TSKS: variants seen among roughly 807,000 people sequenced by gnomAD.
The protein encoded by TSKS is testis specific serine kinase substrate.
Under a neutral mutation model 68.0 loss-of-function variants are expected in TSKS, and 27 were observed. That is an observed-to-expected ratio of 0.40 (90% confidence interval 0.29 to 0.55). TSKS has a LOEUF of 0.55. Among genes scored for constraint, TSKS ranks in the 20% least tolerant of loss-of-function variants. TSKS has a pLI of 0.53. For missense variants in TSKS, 806 were observed against 776.0 expected, an observed-to-expected ratio of 1.04 and a Z score of -0.46; for synonymous variants, 331 against 340.4, an observed-to-expected ratio of 0.97 and a Z score of 0.30.
chr19:49,747,366 T>G, intron 5 of TSKS, 23 bp downstream of exon 5: 2 of 1,614,108 alleles, frequency 1.2e-6, no homozygotes, highest in South Asian at 2.2e-5. Flanking sequence ...CCACAAATCC[T>G]GGGACTGCCC....
At chr19:49,748,191 G>C in intron 3 of TSKS, 23 bp from the exon 4 acceptor site, 1 of 1,613,284 alleles carries the variant, frequency 6.2e-7, no homozygotes, top group Non-Finnish European at 8.5e-7. Flanking sequence ...AGGAGGAGAG[G>C]TTAGCCAAGG....
chr19:49,756,564 TA>T (rs200912143), intron 2 of TSKS, among the ~76,000 whole-genome samples: 3,358 of 138,396 alleles, frequency 0.024, 105 homozygotes, highest in African/African-American at 0.076. Context: ...CACTCATGAT[TA>T]AAAAAAAAAA....
At chr19:49,741,080 A>G (rs1323640079) in intron 9 of TSKS, among the ~76,000 whole-genome samples, 1 of 152,072 alleles carries the variant, frequency 6.6e-6, no homozygotes, top group Non-Finnish European at 1.5e-5. Flanking sequence ...TGGGAGGCTG[A>G]GGCAGGAGAA....
intron 2 of TSKS, among the ~76,000 whole-genome samples, chr19:49,761,079 C>CGAAAA (rs2084436697): frequency 6.7e-6 from 1 of 149,328 alleles, no homozygotes; most frequent in South Asian, 2.1e-4. Context: ...GCAACAAGAG[C>CGAAAA]GAAACTCTGT....
chr19:49,761,696 G>GA lies in TSKS; in HGVS notation c.399+307_399+308insT, dbSNP rs200945544. ...AAGACCACCCAGGCCAGGCACGGGG[G>GA]CTCTCGCCTGTAATCCCAGCACTGT... On this transcript the variant is annotated intron_variant, in intron 2 of 10. Coordinates refer to ENST00000246801, the MANE Select transcript of TSKS (RefSeq NM_021733.2). 5.6e-3 allele frequency among the ~76,000 whole-genome samples: 856 copies of GA among 152,184 alleles called. 5 individuals carry two copies. Among genetic ancestry groups the GA allele is most frequent in the African/African-American group, 0.019 (798 of 41,514 alleles).
intron 7 of TSKS, 50 bp from the exon 8 acceptor site, chr19:49,744,454 C>A (rs763768407): frequency 1.3e-6 from 2 of 1,574,430 alleles, no homozygotes; most frequent in African/African-American, 1.3e-5. Flanking sequence ...AGCGGTATAA[C>A]CCTGGCAAGA....
chr19:49,743,927 G>A (rs1428848958), intron 8 of TSKS, among the ~76,000 whole-genome samples: 1 of 150,950 alleles, frequency 6.6e-6, no homozygotes, highest in Non-Finnish European at 1.5e-5. Flanking sequence ...GGCTAGTCTC[G>A]AACTCCTGAC....
Position 49,739,942 on chromosome 19 carries a change from GGCA to G in TSKS, c.1623-13_1623-11del. 6.2e-7 allele frequency: 1 copy of G among 1,609,378 alleles called. No individual in the cohort carries two copies. The highest frequency in any genetic ancestry group is 8.5e-7 in the Non-Finnish European group (1 of 1,176,284). ...AGTGGCCATCTTCTCCCTGTCATGA[GGCA>G]GCGGGGAGTTGATGGCGGCATGGCT... On this transcript the variant is annotated splice_polypyrimidine_tract_variant and intron_variant, in intron 10 of 10. Transcript: ENST00000246801.
At chr19:49,757,072 G>T (rs2123626422) in intron 2 of TSKS, among the ~76,000 whole-genome samples, 1 of 152,222 alleles carries the variant, frequency 6.6e-6, no homozygotes, top group East Asian at 1.9e-4. Context: ...TAAAAAAATA[G>T]AATAAAGTAG....
At chr19:49,740,009 C>G in intron 10 of TSKS, 50 bp downstream of exon 10, 2 of 1,612,506 alleles carry the variant, frequency 1.2e-6, no homozygotes, top group Non-Finnish European at 8.5e-7. Flanking sequence ...AGATCAGGCC[C>G]TTTCCCCAAG....
intron 8 of TSKS, 137 bp downstream of exon 8, chr19:49,744,094 C>T (rs1600187765): frequency 2.4e-6 from 2 of 849,760 alleles, no homozygotes; most frequent in East Asian, 5.0e-5. Flanking sequence ...GCAGGACCGG[C>T]TGTTTCTACA....
intron 8 of TSKS, among the ~76,000 whole-genome samples, chr19:49,742,777 G>A (rs1357401550): frequency 2.0e-5 from 3 of 152,016 alleles, no homozygotes; most frequent in Admixed American, 6.6e-5. Flanking sequence ...GATTACAGGC[G>A]TAAGCCACCA....
At chr19:49,744,568 TTTATG>T (rs1026396900) in intron 7 of TSKS, among the ~76,000 whole-genome samples, 164 bp from the exon 8 acceptor site, 1 of 152,120 alleles carries the variant, frequency 6.6e-6, no homozygotes, top group African/African-American at 2.4e-5. Context: ...TGTATTTTAC[TTTATG>T]TTATGTTATT....
At chr19:49,741,001 AC>A (rs1212847153) in intron 9 of TSKS, among the ~76,000 whole-genome samples, 2 of 152,178 alleles carry the variant, frequency 1.3e-5, no homozygotes, top group East Asian at 3.9e-4. Flanking sequence ...ACACGGTGAA[AC>A]CCTGTCTCCA....
chr19:49,740,260 C>A, intron 9 of TSKS, 77 bp from the exon 10 acceptor site: 2 of 1,528,534 alleles, frequency 1.3e-6, no homozygotes, highest in Non-Finnish European at 8.8e-7. Flanking sequence ...TTGCGGAGGG[C>A]AAAGGGTAGG....
chr19:49,749,701 C>T (rs1031485000), intron 2 of TSKS, among the ~76,000 whole-genome samples: 19 of 152,030 alleles, frequency 1.2e-4, no homozygotes, highest in African/African-American at 3.9e-4. Flanking sequence ...CTCACCAGCT[C>T]CTGGGCTGAA....
At chr19:49,760,981 G>A (rs1401945534) in intron 2 of TSKS, among the ~76,000 whole-genome samples, 1 of 151,988 alleles carries the variant, frequency 6.6e-6, no homozygotes, top group Non-Finnish European at 1.5e-5. Context: ...CCAGCTACTC[G>A]GGAGGCTGAG....
At chr19:49,746,427 C>A (rs376289514) in intron 6 of TSKS, 43 bp downstream of exon 6, 5 of 1,608,866 alleles carry the variant, frequency 3.1e-6, no homozygotes, top group African/African-American at 1.3e-5. Flanking sequence ...CCTGAGTCCC[C>A]GCCGATCTCG....
intron 2 of TSKS, among the ~76,000 whole-genome samples, chr19:49,755,938 T>C (rs1409495078): frequency 1.3e-5 from 2 of 151,602 alleles, no homozygotes; most frequent in Non-Finnish European, 2.9e-5. Flanking sequence ...GAGGCGGAGG[T>C]TGCAGTGAGC....
Sources: allele counts gnomAD v4.1 joint callset (sites outside exome capture counted in the v4.1 genomes callset), GRCh38; gene constraint gnomAD v4.1.1; transcripts MANE v1.5; gene names NCBI Gene and HGNC (gene_info 2026-07-23, HGNC 2026-07-21).